Variants in PLGRKT observed in about 807,000 individuals in gnomAD.
The protein encoded by PLGRKT is plasminogen receptor with a C-terminal lysine, also known as plasminogen receptor (KT).
Under a neutral mutation model 18.5 loss-of-function variants are expected in PLGRKT, and 22 were observed. The ratio of observed to expected loss-of-function variants is 1.19; its 90% CI spans 0.85 to 1.70. The LOEUF (loss-of-function observed/expected upper bound fraction) is 1.70, where lower values mean the gene tolerates loss of function less well. Ranked by LOEUF, PLGRKT falls within the 40% of genes most tolerant of loss-of-function variation. The probability of loss-of-function intolerance (pLI) is 0.00; values close to 1 mark genes in which losing one functional copy is unlikely to be tolerated. For synonymous variants in PLGRKT, 72 were observed against 52.8 expected, an observed-to-expected ratio of 1.36 and a Z score of -1.58; for missense variants, 235 against 174.4, an observed-to-expected ratio of 1.35 and a Z score of -1.96.
intron 3 of PLGRKT, among the ~76,000 whole-genome samples, chr9:5,420,363 C>T (rs1193531968): frequency 6.6e-6 from 1 of 152,074 alleles, no homozygotes; most frequent in Non-Finnish European, 1.5e-5. Context: ...CTAAATGTCA[C>T]TGAATTGTGG....
At position 5,418,925 on chromosome 9, in the gene PLGRKT, G is replaced by C; in HGVS notation, c.81+12972C>G. On this transcript the variant is annotated intron_variant, in intron 3 of 5. Coordinates refer to ENST00000223864, the MANE Select transcript of PLGRKT (RefSeq NM_018465.4). The surrounding 1 kb of genome is among the most constrained non-coding windows in gnomAD (Gnocchi z 4.2). ...AACTTGGCCTTCACTAGGGGCTGCA[G>C]TAATTAAAACAGATCTGACATTCTA... 4 of 816,876 alleles carry C rather than the reference G, an allele frequency of 4.9e-6. No individual in the cohort carries two copies. Among genetic ancestry groups the C allele is most frequent in the Non-Finnish European group, 8.1e-6 (4 of 494,074 alleles). The allele number at this position is 816,876 out of a possible 1,614,324, so 50.6% of individuals were successfully genotyped here. A position where few individuals can be genotyped will look rare whatever the true frequency, so the allele number is the denominator to read the frequency against.
rs747202399 is a variant in PLGRKT, at chr9:5,431,951, C to T, written c.27G>A (p.Met9Ile). The change falls in exon 3 of 6, where the codon ATG becomes ATA. Residue 9 changes from methionine (M) to isoleucine (I), a missense_variant. By Grantham distance (10) the Met-to-Ile change is conservative. Transcript: ENST00000223864. MGFIFSKS[M>I]NESMKNQKEF... ...CCTTTTGATTTTTCATGCTTTCATTCATAGATTTTGAAAATATAAACCCCA... is the reference window on the plus strand; with the variant it reads ...CCTTTTGATTTTTCATGCTTTCATTTATAGATTTTGAAAATATAAACCCCA... 1.3e-6 allele frequency: 2 copies of T among 1,545,282 alleles called. No individual in the cohort carries two copies. Among genetic ancestry groups the T allele is most frequent in the East Asian group, 4.5e-5 (2 of 44,530 alleles).
intron 3 of PLGRKT, among the ~76,000 whole-genome samples, chr9:5,368,748 C>T (rs890075846): frequency 6.6e-6 from 1 of 152,104 alleles, no homozygotes; most frequent in African/African-American, 2.4e-5. Context: ...AATAAAGATA[C>T]CAAAACGGAT....
chr9:5,377,072 T>G (rs1416613991), intron 3 of PLGRKT, among the ~76,000 whole-genome samples: 1 of 152,224 alleles, frequency 6.6e-6, no homozygotes, highest in Non-Finnish European at 1.5e-5. Flanking sequence ...TCTGTTTCCC[T>G]GTCCAATTGC....
intron 3 of PLGRKT, among the ~76,000 whole-genome samples, chr9:5,395,105 CA>C (rs34566239): frequency 6.2e-4 from 77 of 123,504 alleles, no homozygotes; most frequent in African/African-American, 1.3e-3. Flanking sequence ...AAAGGCTTTG[CA>C]AAAAAAAAAA....
rs76121648 is a variant in PLGRKT, at chr9:5,390,239, G to A, written c.82-28351C>T. Among the ~76,000 whole-genome samples the A allele has an allele frequency of 1.2e-4, 18 of 144,738 alleles. 1 individual carries two copies. Among genetic ancestry groups the A allele is most frequent in the African/African-American group, 3.3e-4 (13 of 39,340 alleles). 95.0% of individuals were successfully genotyped at this position (144,738 alleles called of 152,430 possible). On this transcript the variant is annotated intron_variant, in intron 3 of 5. Transcript: ENST00000223864. Reference sequence around the variant, plus strand: ...TGCGTGTGTGTGTGTGTGTGTGTATGTGTATATATATATATATATTTGCCT... The same window carrying A: ...TGCGTGTGTGTGTGTGTGTGTGTATATGTATATATATATATATATTTGCCT...
intron 3 of PLGRKT, among the ~76,000 whole-genome samples, chr9:5,410,670 G>A (rs1818345351): frequency 6.6e-6 from 1 of 152,094 alleles, no homozygotes; most frequent in African/African-American, 2.4e-5. Flanking sequence ...TGTTCATACT[G>A]AAACTTTGTC....
At position 5,426,648 on chromosome 9, in the gene PLGRKT, T is replaced by A. The variant is rs1044123410; in HGVS notation, c.81+5249A>T. 2.0e-5 allele frequency among the ~76,000 whole-genome samples: 3 copies of A among 152,284 alleles called. No individual in the cohort carries two copies. The East Asian group carries it at 5.8e-4, about 29-fold the overall frequency. On this transcript the variant is annotated intron_variant, in intron 3 of 5. Transcript: ENST00000223864. ...AAGCAACATATGTTAGGAGAATCAA[T>A]CCACCATGGGACAAGTCTTCCTGCA...
intron 3 of PLGRKT, among the ~76,000 whole-genome samples, chr9:5,393,171 G>A (rs556379311): frequency 2.0e-5 from 3 of 151,874 alleles, no homozygotes; most frequent in Non-Finnish European, 2.9e-5. Context: ...AACTATTTGC[G>A]ACATTATAAT....
chr9:5,358,345 A>T lies in PLGRKT; in HGVS notation c.338T>A (p.Ile113Lys), dbSNP rs898781999. ...LERMKGEAED[I>K]LETEKSKLQL... is the part of the protein sequence containing the mutation. ...CAATTTACTCTTTTCTGTTTCCAGTATGTCCTCAGCTTCACCTTAAATAAA... is the reference window on the plus strand; with the variant it reads ...CAATTTACTCTTTTCTGTTTCCAGTTTGTCCTCAGCTTCACCTTAAATAAA... Residue 113 changes from isoleucine to lysine, a missense_variant, in exon 6 of 6, where the codon ATA becomes AAA. Ile to Lys is a moderately radical substitution (Grantham distance 102, BLOSUM62 -3). Coordinates refer to ENST00000223864, the MANE Select transcript of PLGRKT (RefSeq NM_018465.4). The T allele has an allele frequency of 3.7e-6, 6 of 1,612,762 alleles. No individual in the cohort carries two copies.
At chr9:5,369,485 G>A (rs1264295699) in intron 3 of PLGRKT, among the ~76,000 whole-genome samples, 1 of 152,186 alleles carries the variant, frequency 6.6e-6, no homozygotes, top group Non-Finnish European at 1.5e-5. Flanking sequence ...CGTTTACACT[G>A]TTGTGGGAGT....
chr9:5,425,754 T>C (rs546140742), intron 3 of PLGRKT, among the ~76,000 whole-genome samples: 56 of 152,220 alleles, frequency 3.7e-4, no homozygotes, highest in African/African-American at 1.3e-3. Context: ...ACCAGTGGTA[T>C]AAGAGATGGG....
At position 5,418,481 on chromosome 9, in the gene PLGRKT, A is replaced by C; in HGVS notation, c.81+13416T>G. The C allele has an allele frequency of 9.1e-7, 1 of 1,100,798 alleles. No homozygotes were observed. The highest frequency in any genetic ancestry group is 1.4e-6 in the Non-Finnish European group (1 of 718,904). The allele number at this position is 1,100,798 out of a possible 1,614,324, so 68.2% of individuals were successfully genotyped here. On this transcript the variant is annotated intron_variant, in intron 3 of 5. Transcript: ENST00000223864. This position sits in a 1 kb window ranked among gnomAD's most constrained non-coding sequence, Gnocchi z 4.2. ...ACCAAGATGACAGTGCACACCCTCA[A>C]CCACATGGAGCTTTTCACCATGCCC...
rs570898000 is a variant in PLGRKT at position 5,426,988 on chromosome 9, T to A, written c.81+4909A>T. ...TCTTCTGCCAGCATCCATGAAATAA[T>A]AACAGGCTAATTTATTACAGCAGTC... On this transcript the variant is annotated intron_variant, in intron 3 of 5. Coordinates refer to ENST00000223864, the MANE Select transcript of PLGRKT (RefSeq NM_018465.4). Among the ~76,000 whole-genome samples the A allele has an allele frequency of 1.1e-3, 174 of 152,318 alleles. 1 individual carries two copies. The highest frequency in any genetic ancestry group is 3.9e-3 in the African/African-American group (163 of 41,572).
intron 2 of PLGRKT, among the ~76,000 whole-genome samples, chr9:5,432,950 GC>G (rs1236872355): frequency 1.3e-5 from 2 of 151,846 alleles, no homozygotes; most frequent in East Asian, 4.0e-4. Context: ...TCTCTGCCTG[GC>G]CGCCCTGTCT....
intron 3 of PLGRKT, among the ~76,000 whole-genome samples, chr9:5,403,831 G>A (rs1818203121): frequency 6.6e-6 from 1 of 152,162 alleles, no homozygotes. Flanking sequence ...ATGACAGAAG[G>A]AAATACCATT....
chr9:5,407,717 G>A (rs1387649076), intron 3 of PLGRKT, among the ~76,000 whole-genome samples: 2 of 152,076 alleles, frequency 1.3e-5, no homozygotes, highest in Non-Finnish European at 2.9e-5. Flanking sequence ...CTCAAGAACA[G>A]GAGAAGTGGA....
chr9:5,410,097 T>C (rs1380646782), intron 3 of PLGRKT, among the ~76,000 whole-genome samples: 1 of 152,210 alleles, frequency 6.6e-6, no homozygotes, highest in Non-Finnish European at 1.5e-5. Context: ...CAAGAAAAAT[T>C]GCTATTACTG....
chr9:5,372,875 T>A (rs1586706113), intron 3 of PLGRKT, among the ~76,000 whole-genome samples: 1 of 152,172 alleles, frequency 6.6e-6, no homozygotes, highest in Non-Finnish European at 1.5e-5. Flanking sequence ...CCACTGAAGG[T>A]ATTATCTCAG....
Sources: allele counts gnomAD v4.1 joint callset (sites outside exome capture counted in the v4.1 genomes callset), GRCh38; gene constraint gnomAD v4.1.1; non-coding constraint Gnocchi (gnomAD v3.1); transcripts MANE v1.5; gene names NCBI Gene and HGNC (gene_info 2026-07-23, HGNC 2026-07-21).